ADAMTS2: variants seen among roughly 807,000 people sequenced by gnomAD.
ADAMTS2 encodes A disintegrin and metalloproteinase with thrombospondin motifs 2.
ADAMTS2 carries 50 observed loss-of-function variants against 123.0 expected under a neutral mutation model. The ratio of observed to expected loss-of-function variants is 0.41; its 90% CI spans 0.32 to 0.51. The LOEUF (loss-of-function observed/expected upper bound fraction) is 0.51. ADAMTS2 is among the 20% of genes least tolerant of loss of function. The pLI, the probability that ADAMTS2 is intolerant of heterozygous loss-of-function variation, is 0.35. For synonymous variants in ADAMTS2, 678 were observed against 695.4 expected, an observed-to-expected ratio of 0.98 and a Z score of 0.39; for missense variants, 1,494 against 1,705.2, an observed-to-expected ratio of 0.88 and a Z score of 2.18.
rs555757705 is a variant in ADAMTS2, at chr5:179,248,236, A to G, written c.688+24675T>C. 1.2e-4 allele frequency among the ~76,000 whole-genome samples: 18 copies of G among 152,272 alleles called. No homozygotes were observed. The South Asian group carries it at 3.5e-3, about 30-fold the overall frequency. On this transcript the variant is annotated intron_variant, in intron 3 of 21. Transcript: ENST00000251582. ...ATAAGACCATAGCTTTTAAATATAC[A>G]GCAAAATAAATGAAAACATGAATCA...
rs1451528041 is a variant in ADAMTS2, at chr5:179,118,809, G to A, written c.3178+2852C>T. Reference sequence around the variant, plus strand: ...AGCAAATGTGAGACAGGCTAAAGCTGGTAGCAAGTGAGGCTTTCTTCCTGA... The same window carrying A: ...AGCAAATGTGAGACAGGCTAAAGCTAGTAGCAAGTGAGGCTTTCTTCCTGA... On this transcript the variant is annotated intron_variant, in intron 21 of 21. Transcript: ENST00000251582. This position sits in a 1 kb window ranked among gnomAD's most constrained non-coding sequence, Gnocchi z 4.5. Among the ~76,000 whole-genome samples the A allele has an allele frequency of 6.6e-6, 1 of 152,212 alleles. No individual in the cohort carries two copies. The highest frequency in any genetic ancestry group is 1.5e-5 in the Non-Finnish European group (1 of 68,036).
intron 3 of ADAMTS2, among the ~76,000 whole-genome samples, chr5:179,245,765 C>CAAAAAAAAA (rs1171837041): frequency 0.012 from 197 of 17,066 alleles, 2 homozygotes; most frequent in East Asian, 0.033. Flanking sequence ...GACTCCGTCT[C>CAAAAAAAAA]AAAAAAAAAA....
chr5:179,173,939 G>A (rs1361904556), intron 5 of ADAMTS2, among the ~76,000 whole-genome samples: 1 of 151,568 alleles, frequency 6.6e-6, no homozygotes, highest in Non-Finnish European at 1.5e-5. Context: ...CTTGAACCCA[G>A]GTGGCAGAGG....
chr5:179,216,922 C>T (rs1203610938), intron 3 of ADAMTS2, among the ~76,000 whole-genome samples: 1 of 152,228 alleles, frequency 6.6e-6, no homozygotes, highest in Non-Finnish European at 1.5e-5. Context: ...TGAGGAAGAG[C>T]ACCATGCGGC....
At chr5:179,266,052 A>G (rs546149604) in intron 3 of ADAMTS2, among the ~76,000 whole-genome samples, 2 of 152,312 alleles carry the variant, frequency 1.3e-5, no homozygotes. Context: ...CCCTGGCCTC[A>G]GGGGTCTGGG....
At chr5:179,173,041 C>CAAAAAAAAAAAG (rs1763854626) in intron 5 of ADAMTS2, among the ~76,000 whole-genome samples, 1 of 122,010 alleles carries the variant, frequency 8.2e-6, no homozygotes, top group African/African-American at 3.1e-5. Context: ...CCTGTCTCTA[C>CAAAAAAAAAAAG]AAAAAAAAAA....
chr5:179,240,541 T>C (rs184505457), intron 3 of ADAMTS2, among the ~76,000 whole-genome samples: 1 of 152,264 alleles, frequency 6.6e-6, no homozygotes, highest in East Asian at 1.9e-4. Flanking sequence ...AATGCAACAC[T>C]GCAACGGATT....
chr5:179,198,956 G>A (rs1486233644), intron 4 of ADAMTS2, among the ~76,000 whole-genome samples: 1 of 152,218 alleles, frequency 6.6e-6, no homozygotes, highest in Non-Finnish European at 1.5e-5. Flanking sequence ...CTTCGCCTGG[G>A]CCTCAGAGGT....
chr5:179,290,668 A>C (rs1756159769), intron 2 of ADAMTS2, among the ~76,000 whole-genome samples: 1 of 152,234 alleles, frequency 6.6e-6, no homozygotes, highest in Non-Finnish European at 1.5e-5. Context: ...TAAAACTTTA[A>C]ACACATAAAA....
At position 179,307,796 on chromosome 5, in the gene ADAMTS2, C is replaced by T. The variant is rs954276186; in HGVS notation, c.535-34732G>A. Among the ~76,000 whole-genome samples, 12 of 152,342 alleles carry T rather than the reference C, an allele frequency of 7.9e-5. No individual in the cohort carries two copies. Among genetic ancestry groups the T allele is most frequent in the South Asian group, 4.2e-4 (2 of 4,816 alleles). On this transcript the variant is annotated intron_variant, in intron 2 of 21. Transcript: ENST00000251582. The surrounding 1 kb of genome is among the most constrained non-coding windows in gnomAD (Gnocchi z 5.6). Reference sequence around the variant, plus strand: ...CTTCCAGAAGTCCAGGTCCTAGCTCCGATGCCTCCTCACAAGGACCTTGGT... The same window carrying T: ...CTTCCAGAAGTCCAGGTCCTAGCTCTGATGCCTCCTCACAAGGACCTTGGT...
In ADAMTS2 at chr5:179,128,395, T is replaced by A. The variant is rs1244256011; in HGVS notation, c.2458-277A>T. Among the ~76,000 whole-genome samples the A allele has an allele frequency of 6.6e-6, 1 of 151,502 alleles. No homozygotes were observed. The highest frequency in any genetic ancestry group is 2.4e-5 in the African/African-American group (1 of 41,364). On this transcript the variant is annotated intron_variant, in intron 16 of 21. Transcript: ENST00000251582. This position sits in a 1 kb window ranked among gnomAD's most constrained non-coding sequence, Gnocchi z 4.9. Reference sequence around the variant, plus strand: ...GTGAGTCTGTTTATTTTTTTGTTTGTTTTTGTTTGTTTTTGAGATGGAGTT... The same window carrying A: ...GTGAGTCTGTTTATTTTTTTGTTTGATTTTGTTTGTTTTTGAGATGGAGTT...
Position 179,298,042 on chromosome 5 carries a change from T to C in ADAMTS2, c.535-24978A>G, listed in dbSNP as rs114145787. ...CACACCCTCCTGCTCAGCCTCTCTC[T>C]GGCCGCCCCCAGCTGCTCCGGTTTC... On this transcript the variant is annotated intron_variant, in intron 2 of 21. Coordinates refer to ENST00000251582, the MANE Select transcript of ADAMTS2 (RefSeq NM_014244.5). Among the ~76,000 whole-genome samples, 1,103 of 152,150 alleles carry C rather than the reference T, an allele frequency of 7.2e-3. 6 individuals are homozygous for C. Among genetic ancestry groups the C allele is most frequent in the African/African-American group, 0.025 (1,054 of 41,532 alleles).
rs1398978027 is a variant in ADAMTS2, at chr5:179,314,063, G to A, written c.534+29704C>T. On this transcript the variant is annotated intron_variant, in intron 2 of 21. Transcript: ENST00000251582. This position sits in a 1 kb window ranked among gnomAD's most constrained non-coding sequence, Gnocchi z 4.5. ...CCAGGCAGAACCTGATGGTGGGGCG[G>A]GGGGGTTCCTCACACACCCCACACC... Among the ~76,000 whole-genome samples, 3 of 82,150 alleles carry A rather than the reference G, an allele frequency of 3.7e-5. No homozygotes were observed. The highest frequency in any genetic ancestry group is 1.1e-4 in the Admixed American group (1 of 8,900). The allele number at this position is 82,150 out of a possible 152,430, so 53.9% of individuals were successfully genotyped here. A position where few individuals can be genotyped will look rare whatever the true frequency, so the allele number is the denominator to read the frequency against.
intron 8 of ADAMTS2, 41 bp downstream of exon 8, chr5:179,154,008 G>T: frequency 6.3e-7 from 1 of 1,576,470 alleles, no homozygotes. Flanking sequence ...CTGACCCCAG[G>T]GACTGAGGGG....
At chr5:179,275,484 G>A (rs560767471) in intron 2 of ADAMTS2, among the ~76,000 whole-genome samples, 49 of 152,278 alleles carry the variant, frequency 3.2e-4, no homozygotes, top group Non-Finnish European at 5.9e-4. Flanking sequence ...GAGACTCTGC[G>A]GGTGTGATCA....
chr5:179,327,861 G>A (rs1353359159), intron 2 of ADAMTS2, among the ~76,000 whole-genome samples: 2 of 152,148 alleles, frequency 1.3e-5, no homozygotes, highest in Non-Finnish European at 2.9e-5. Context: ...ATTATGAACT[G>A]CAGAAAGTAA....
rs142260890 is a variant in ADAMTS2, at chr5:179,192,958, C to T, written c.892-11803G>A. 4.9e-4 allele frequency among the ~76,000 whole-genome samples: 74 copies of T among 152,330 alleles called. 2 individuals are homozygous for T. The East Asian group carries it at 0.013, about 27-fold the overall frequency. ...AGGACCAAGGCCAAGCTCAGCCGCA[C>T]GCGCCTTCTCCCACCCCAGCGGGCT... On this transcript the variant is annotated intron_variant, in intron 4 of 21. Coordinates refer to ENST00000251582, the MANE Select transcript of ADAMTS2 (RefSeq NM_014244.5).
At chr5:179,121,808 A>T in intron 20 of ADAMTS2, 58 bp from the exon 21 acceptor site, 1 of 1,199,732 alleles carries the variant, frequency 8.3e-7, no homozygotes. Flanking sequence ...CCCCCACCCC[A>T]GGCAGAGAGG....
In ADAMTS2 at chr5:179,130,186, C is replaced by A; in HGVS notation, c.2291-88G>T. The A allele has an allele frequency of 5.2e-6, 8 of 1,532,890 alleles. No homozygotes were observed. The highest frequency in any genetic ancestry group is 7.2e-6 in the Non-Finnish European group (8 of 1,114,520). 95.0% of individuals were successfully genotyped at this position (1,532,890 alleles called of 1,614,324 possible). ...GTTTGGGCTGGTCGGGGAGTGGGGG[C>A]AGCTAGCTGGACCCCTTGTCTCTCT... On this transcript the variant is annotated intron_variant, in intron 15 of 21. Transcript: ENST00000251582. The surrounding 1 kb of genome is among the most constrained non-coding windows in gnomAD (Gnocchi z 4.3).
Sources: gnomAD v4.1 joint callset for allele counts (sites outside exome capture counted in the v4.1 genomes callset) on GRCh38, gnomAD v4.1.1 for gene constraint, Gnocchi (gnomAD v3.1) non-coding constraint, MANE v1.5 for transcripts, NCBI Gene and HGNC (gene_info 2026-07-23, HGNC 2026-07-21) for gene names.